SORCS1: variants seen among roughly 807,000 people sequenced by gnomAD.
The protein encoded by SORCS1 is VPS10 domain-containing receptor SorCS1.
In SORCS1, 60 loss-of-function variants were observed where a neutral mutation model predicts 146.1. That is an observed-to-expected ratio of 0.41 (90% CI 0.33 to 0.51). SORCS1 has a LOEUF of 0.51. SORCS1 is among the 20% of genes least tolerant of loss of function. The pLI, the probability that SORCS1 is intolerant of heterozygous loss-of-function variation, is 0.21. For missense variants in SORCS1, 1,352 were observed against 1,487.6 expected, an observed-to-expected ratio of 0.91 and a Z score of 1.50; for synonymous variants, 637 against 584.0, an observed-to-expected ratio of 1.09 and a Z score of -1.31.
chr10:106,666,248 T>C (rs185960353), intron 17 of SORCS1, among the ~76,000 whole-genome samples: 1 of 152,348 alleles, frequency 6.6e-6, no homozygotes, highest in Non-Finnish European at 1.5e-5. Context: ...AAGGCCTGAA[T>C]TCAGCAGGTT....
chr10:106,790,969 C>T lies in SORCS1; in HGVS notation c.727-14277G>A, dbSNP rs146571386. ...CAAAAACGTACTCAGAATAAAAGAA[C>T]AATCACTTAAGCATCACTATGCAGA... On this transcript the variant is annotated intron_variant, in intron 3 of 25. Transcript: ENST00000263054. Among the ~76,000 whole-genome samples, 1,218 of 152,260 alleles carry T rather than the reference C, an allele frequency of 8.0e-3. 16 individuals are homozygous for T. The highest frequency in any genetic ancestry group is 0.027 in the African/African-American group (1,121 of 41,552).
At chr10:106,970,877 T>A (rs1321888749) in intron 1 of SORCS1, among the ~76,000 whole-genome samples, 1 of 151,252 alleles carries the variant, frequency 6.6e-6, no homozygotes, top group Admixed American at 6.6e-5. Flanking sequence ...TAGCTGGGAT[T>A]ACAGGCACCC....
chr10:107,138,731 G>C (rs1456382683), intron 1 of SORCS1, among the ~76,000 whole-genome samples: 1 of 152,114 alleles, frequency 6.6e-6, no homozygotes, highest in Non-Finnish European at 1.5e-5. Flanking sequence ...AATTTTAGGA[G>C]ATTTCTCACT....
intron 5 of SORCS1, among the ~76,000 whole-genome samples, chr10:106,739,838 G>C (rs1366244344): frequency 6.6e-6 from 1 of 151,650 alleles, no homozygotes; most frequent in African/African-American, 2.4e-5. Flanking sequence ...TGTAGTCCCA[G>C]CTACTTGGGA....
At chr10:107,099,520 A>C (rs1964773551) in intron 1 of SORCS1, among the ~76,000 whole-genome samples, 2 of 152,348 alleles carry the variant, frequency 1.3e-5, no homozygotes, top group South Asian at 2.1e-4. Context: ...AATTAAATTA[A>C]ATTTAAAATT....
chr10:106,836,371 G>T (rs971651608), intron 2 of SORCS1, among the ~76,000 whole-genome samples: 82 of 152,084 alleles, frequency 5.4e-4, no homozygotes, highest in South Asian at 1.2e-3. Flanking sequence ...CTACTCGGGA[G>T]GCTGAGGCAG....
intron 2 of SORCS1, among the ~76,000 whole-genome samples, chr10:106,916,838 C>T (rs1341005770): frequency 2.0e-5 from 3 of 152,104 alleles, no homozygotes; most frequent in African/African-American, 7.2e-5. Flanking sequence ...CAACCTCCAT[C>T]TCCCAGACTC....
chr10:107,139,761 C>G (rs185757900), intron 1 of SORCS1, among the ~76,000 whole-genome samples: 4 of 152,156 alleles, frequency 2.6e-5, no homozygotes, highest in African/African-American at 9.7e-5. Context: ...TCCGAAAAAC[C>G]TGGAATGACC....
In SORCS1 at chr10:107,151,713, T is replaced by C. The variant is rs922446527; in HGVS notation, c.558+12256A>G. ...CAGCCAAACCATATCATTCTTGCTA[T>C]GCAAAGAGACTGGTGGCATTTTGCC... On this transcript the variant is annotated intron_variant, in intron 1 of 25. Coordinates refer to ENST00000263054, the MANE Select transcript of SORCS1 (RefSeq NM_052918.5). 3.9e-5 allele frequency among the ~76,000 whole-genome samples: 6 copies of C among 152,146 alleles called. No individual in the cohort carries two copies. In the South Asian group the frequency reaches 1.0e-3, roughly 26 times the overall value.
intron 5 of SORCS1, among the ~76,000 whole-genome samples, chr10:106,749,823 A>C (rs1364437901): frequency 6.6e-6 from 1 of 152,222 alleles, no homozygotes; most frequent in Non-Finnish European, 1.5e-5. Context: ...TTTAATCCTT[A>C]CAATGAGTAT....
chr10:106,594,625 G>A (rs1017548593), intron 24 of SORCS1, among the ~76,000 whole-genome samples: 1 of 152,198 alleles, frequency 6.6e-6, no homozygotes, highest in Non-Finnish European at 1.5e-5. Flanking sequence ...TCCAGGTCTA[G>A]CTTGACCTCC....
Position 107,124,082 on chromosome 10 carries a change from G to A in SORCS1, c.558+39887C>T, listed in dbSNP as rs547803938. On this transcript the variant is annotated intron_variant, in intron 1 of 25. Coordinates refer to ENST00000263054, the MANE Select transcript of SORCS1 (RefSeq NM_052918.5). ...AGCCTGGGCGACAGAGCGAGACTTC[G>A]TCTCAAAAAAAAAAAAAAAGAAAAG... Among the ~76,000 whole-genome samples the A allele has an allele frequency of 1.7e-4, 25 of 145,468 alleles. No individual in the cohort carries two copies. The South Asian group carries it at 4.5e-3, about 26-fold the overall frequency.
chr10:106,961,038 C>T (rs1350850916), intron 1 of SORCS1, among the ~76,000 whole-genome samples: 5 of 152,202 alleles, frequency 3.3e-5, no homozygotes, highest in African/African-American at 1.2e-4. Flanking sequence ...CAATTACATT[C>T]CTCCCTTCTA....
intron 3 of SORCS1, among the ~76,000 whole-genome samples, chr10:106,782,315 G>A (rs1317957692): frequency 2.6e-5 from 4 of 152,150 alleles, no homozygotes; most frequent in Non-Finnish European, 5.9e-5. Context: ...GCCCCGGCTG[G>A]AGTGCAGTTG....
intron 24 of SORCS1, among the ~76,000 whole-genome samples, chr10:106,591,478 TGAATAAACTGGA>T: frequency 6.6e-6 from 1 of 152,192 alleles, no homozygotes; most frequent in South Asian, 2.1e-4. Context: ...ATGAATAAAC[TGAATAAACTGGA>T]TCTGAAGGTT....
At chr10:106,999,723 C>A (rs900992228) in intron 1 of SORCS1, among the ~76,000 whole-genome samples, 4 of 152,156 alleles carry the variant, frequency 2.6e-5, no homozygotes, top group Admixed American at 6.5e-5. Context: ...GCACTAGCCT[C>A]CAGATTATAC....
chr10:106,892,580 T>C lies in SORCS1; in HGVS notation c.627-62907A>G, dbSNP rs141531989. On this transcript the variant is annotated intron_variant, in intron 2 of 25. Transcript: ENST00000263054. ...TCAAGACCCATGATTTATCCACCCA[T>C]TTATTCATTCATTTATACATTCATT... is the stretch of plus-strand genomic sequence containing the variant. Among the ~76,000 whole-genome samples, 774 of 152,324 alleles carry C rather than the reference T, an allele frequency of 5.1e-3. 14 individuals are homozygous for C. Among genetic ancestry groups the C allele is most frequent in the Admixed American group, 0.033 (507 of 15,302 alleles).
intron 5 of SORCS1, among the ~76,000 whole-genome samples, chr10:106,737,918 G>T (rs1451322372): frequency 6.6e-6 from 1 of 152,150 alleles, no homozygotes; most frequent in African/African-American, 2.4e-5. Context: ...AACTTTAGTG[G>T]TATCATACCC....
chr10:106,827,676 T>G (rs1191635475), intron 3 of SORCS1, among the ~76,000 whole-genome samples: 1 of 152,176 alleles, frequency 6.6e-6, no homozygotes, highest in Non-Finnish European at 1.5e-5. Context: ...GTTCCTTAAT[T>G]TGGGACTGCA....
Sources: gnomAD v4.1 joint callset for allele counts (sites outside exome capture counted in the v4.1 genomes callset) on GRCh38, gnomAD v4.1.1 for gene constraint, MANE v1.5 for transcripts, NCBI Gene and HGNC (gene_info 2026-07-23, HGNC 2026-07-21) for gene names.